The following TNRC18 variants were observed in gnomAD, a reference collection of about 807,000 sequenced individuals.
TNRC18 encodes trinucleotide repeat containing 18.
Under a neutral mutation model 226.7 loss-of-function variants are expected in TNRC18, and 69 were observed. That is an observed-to-expected ratio of 0.30 (90% CI 0.25 to 0.37). The LOEUF (loss-of-function observed/expected upper bound fraction) is 0.37. TNRC18 is among the 10% of genes least tolerant of loss of function. The pLI, the probability that TNRC18 is intolerant of heterozygous loss-of-function variation, is 1.00. For synonymous variants in TNRC18, 2,449 were observed against 1,927.6 expected (o/e 1.27, Z -7.09); for missense variants, 4,754 against 4,256.6 (o/e 1.12, Z -3.25).
At position 5,325,133 on chromosome 7, in the gene TNRC18, C is replaced by T; in HGVS notation, c.6263G>A (p.Ser2088Asn). The T allele has an allele frequency of 6.4e-7, 1 of 1,550,878 alleles. No individual in the cohort carries two copies. Among genetic ancestry groups the T allele is most frequent in the South Asian group, 1.2e-5 (1 of 84,006 alleles). The change falls in exon 20 of 30, where the codon AGC (serine) becomes AAC (asparagine). Residue 2088 changes from serine (S) to asparagine (N), a missense_variant. Coordinates refer to ENST00000430969, the MANE Select transcript of TNRC18 (RefSeq NM_001080495.3). ...CTCCTTCCCTTTGGCCTTGGCTTTGCTCCTTTTGGCAGCGGTCAGGGAGCT... is the reference window on the plus strand; with the variant it reads ...CTCCTTCCCTTTGGCCTTGGCTTTGTTCCTTTTGGCAGCGGTCAGGGAGCT... The part of the protein sequence containing the change: ...HASSLTAAKR[S>N]KAKAKGKEVK...
At chr7:5,328,059 T>G (rs1391592680) in intron 19 of TNRC18, among the ~76,000 whole-genome samples, 1 of 151,500 alleles carries the variant, frequency 6.6e-6, no homozygotes, top group Non-Finnish European at 1.5e-5. Context: ...CCGTCTCTAC[T>G]AAAAATACAA....
intron 16 of TNRC18, among the ~76,000 whole-genome samples, chr7:5,356,064 A>C (rs1235358237): frequency 6.6e-6 from 1 of 151,938 alleles, no homozygotes; most frequent in East Asian, 1.9e-4. Flanking sequence ...CTCGGGAGGC[A>C]GAGCCAAGGG....
chr7:5,372,470 G>GC (rs1562568141), intron 10 of TNRC18, among the ~76,000 whole-genome samples: 3 of 151,030 alleles, frequency 2.0e-5, no homozygotes. Flanking sequence ...TGATCCACCC[G>GC]CCTCAGCCTC....
Position 5,387,915 on chromosome 7 carries a change from G to C in TNRC18, c.1909C>G (p.Leu637Val), listed in dbSNP as rs755298893. 1.3e-6 allele frequency: 2 copies of C among 1,593,412 alleles called. No homozygotes were observed. Among genetic ancestry groups the C allele is most frequent in the African/African-American group, 1.3e-5 (1 of 74,606 alleles). ...SAGASRAQAR[L>V]PHSGGPAAGG... ...GCTGCAGGGCCTCCGGAGTGTGGGAGACGGGCCTGGGCTCGGGAGGCACCC... is the reference window on the plus strand; with the variant it reads ...GCTGCAGGGCCTCCGGAGTGTGGGACACGGGCCTGGGCTCGGGAGGCACCC... The change falls in exon 5 of 30, where the codon CTC (leucine) becomes GTC (valine). Residue 637 changes from leucine (L) to valine (V), a missense_variant. Leu to Val is a conservative substitution (Grantham distance 32, BLOSUM62 1). Coordinates refer to ENST00000430969, the MANE Select transcript of TNRC18 (RefSeq NM_001080495.3).
At chr7:5,360,873 G>A (rs1050787196) in intron 14 of TNRC18, among the ~76,000 whole-genome samples, 1 of 152,082 alleles carries the variant, frequency 6.6e-6, no homozygotes, top group Non-Finnish European at 1.5e-5. Flanking sequence ...TGTGCCCTCC[G>A]AAGGTCCCCC....
Position 5,324,970 on chromosome 7 carries a change from C to T in TNRC18, c.6300+126G>A, listed in dbSNP as rs1407872791. 16 of 1,196,320 alleles carry T rather than the reference C, an allele frequency of 1.3e-5. No individual in the cohort carries two copies. The highest frequency in any genetic ancestry group is 1.6e-5 in the Non-Finnish European group (14 of 877,716). The allele number at this position is 1,196,320 out of a possible 1,614,324, so 74.1% of individuals were successfully genotyped here. A position where few individuals can be genotyped will look rare whatever the true frequency, so the allele number is the denominator to read the frequency against. The stretch of plus-strand genomic sequence containing the variant: ...GGACGGCCACATCACCCTCGTCACC[C>T]GCAACCTCTCTGAGCCACAGCTATA... On this transcript the variant is annotated intron_variant, in intron 20 of 29. Coordinates refer to ENST00000430969, the MANE Select transcript of TNRC18 (RefSeq NM_001080495.3). The surrounding 1 kb of genome is among the most constrained non-coding windows in gnomAD (Gnocchi z 4.8).
Position 5,314,987 on chromosome 7 carries a change from C to A in TNRC18, c.7024G>T (p.Gly2342Cys). Reference protein sequence around the residue: ...RGRKPSAKAKGDRAATLEEGN... With the variant: ...RGRKPSAKAKCDRAATLEEGN... ...CCTGGGGACCAGGCCAACCTACCAC[C>A]CTTGGCCTTGGCGCTGGGTTTCCGC... The change falls in exon 26 of 30, where the codon GGT becomes TGT. Residue 2342 changes from glycine (G) to cysteine (C), a missense_variant. Physicochemically the swap from Gly to Cys is radical, Grantham distance 159. Transcript: ENST00000430969. 1 of 1,605,826 alleles carries A rather than the reference C, an allele frequency of 6.2e-7. No homozygotes were observed. Among genetic ancestry groups the A allele is most frequent in the Non-Finnish European group, 8.5e-7 (1 of 1,177,388 alleles).
At chr7:5,365,767 T>C (rs1793552284) in intron 11 of TNRC18, among the ~76,000 whole-genome samples, 1 of 152,038 alleles carries the variant, frequency 6.6e-6, no homozygotes, top group African/African-American at 2.4e-5. Flanking sequence ...ATTTTCTTTG[T>C]GATCTAAAAT....
In TNRC18 at chr7:5,421,079, C is replaced by T. The variant is rs1173498164; in HGVS notation, c.168G>A (p.Leu56=). ...ACTTACCCGGGTGCGGATGGAGATT[C>T]AGGCCGGCCATGTACTTCCCGGGCG... ...PLPPGKYMAG[L]NLHPHPGEAF... The change falls in exon 2 of 30, where the codon CTG becomes CTA. Residue 56 remains leucine, a synonymous_variant. Coordinates refer to ENST00000430969, the MANE Select transcript of TNRC18 (RefSeq NM_001080495.3). The T allele has an allele frequency of 2.0e-6, 3 of 1,506,812 alleles. No homozygotes were observed. In the Admixed American group the frequency reaches 6.2e-5, roughly 31 times the overall value. 93.3% of individuals were successfully genotyped at this position (1,506,812 alleles called of 1,614,324 possible). A position where few individuals can be genotyped will look rare whatever the true frequency, so the allele number is the denominator to read the frequency against.
rs1788664512 is a variant in TNRC18 at position 5,324,208 on chromosome 7, A to C, written c.6442+6T>G. On this transcript the variant is annotated splice_donor_region_variant and intron_variant, in intron 21 of 29. Transcript: ENST00000430969. This position sits in a 1 kb window ranked among gnomAD's most constrained non-coding sequence, Gnocchi z 4.8. The stretch of plus-strand genomic sequence containing the variant: ...GCCCGGCACATGTGGCATCACGGCC[A>C]CTCACCCGGGGTCAGCGGCCGCTCC... 2 of 1,597,186 alleles carry C rather than the reference A, an allele frequency of 1.3e-6. No homozygotes were observed. Among genetic ancestry groups the C allele is most frequent in the African/African-American group, 2.7e-5 (2 of 74,450 alleles).
chr7:5,316,078 G>T lies in TNRC18; in HGVS notation c.6746-6C>A. ...GTCCTCCAGGTCCAGTAACCCTGTGGGAAGAGGGGAGGCTCAGGGGAGGCC... is the reference window on the plus strand; with the variant it reads ...GTCCTCCAGGTCCAGTAACCCTGTGTGAAGAGGGGAGGCTCAGGGGAGGCC... On this transcript the variant is annotated splice_polypyrimidine_tract_variant and splice_region_variant and intron_variant, in intron 24 of 29. Coordinates refer to ENST00000430969, the MANE Select transcript of TNRC18 (RefSeq NM_001080495.3). The T allele has an allele frequency of 6.2e-7, 1 of 1,609,894 alleles. No homozygotes were observed. Among genetic ancestry groups the T allele is most frequent in the Non-Finnish European group, 8.5e-7 (1 of 1,177,944 alleles).
chr7:5,347,426 G>A (rs1304507113), intron 17 of TNRC18, among the ~76,000 whole-genome samples: 3 of 148,704 alleles, frequency 2.0e-5, no homozygotes, highest in African/African-American at 5.0e-5. Context: ...TCCATCTCCT[G>A]ACCTCATGAT....
At chr7:5,411,776 A>G (rs962273292) in intron 2 of TNRC18, among the ~76,000 whole-genome samples, 3 of 152,098 alleles carry the variant, frequency 2.0e-5, no homozygotes, top group African/African-American at 7.2e-5. Flanking sequence ...AGCACACCCA[A>G]GAACCGGGCC....
chr7:5,310,483 C>T (rs1233087360), intron 27 of TNRC18, among the ~76,000 whole-genome samples: 7 of 152,188 alleles, frequency 4.6e-5, no homozygotes, highest in Admixed American at 3.3e-4. Context: ...GATCCTCCTG[C>T]CTGGGCCTCC....
At chr7:5,413,310 A>G (rs1342233576) in intron 2 of TNRC18, among the ~76,000 whole-genome samples, 1 of 151,984 alleles carries the variant, frequency 6.6e-6, no homozygotes, top group Non-Finnish European at 1.5e-5. Context: ...CCTGTCCTCA[A>G]ATCTGCCCCT....
chr7:5,317,673 T>A (rs1403402870), intron 24 of TNRC18, among the ~76,000 whole-genome samples: 30 of 150,912 alleles, frequency 2.0e-4, no homozygotes, highest in South Asian at 6.3e-4. Context: ...CAAAAAAAAA[T>A]TTAAGGAATA....
intron 11 of TNRC18, among the ~76,000 whole-genome samples, chr7:5,364,988 TG>T (rs1793471033): frequency 6.6e-6 from 1 of 151,272 alleles, no homozygotes; most frequent in Non-Finnish European, 1.5e-5. Context: ...CAATTTTAAA[TG>T]GCCAAACGTG....
At chr7:5,328,485 C>T (rs977684130) in intron 19 of TNRC18, among the ~76,000 whole-genome samples, 3 of 150,414 alleles carry the variant, frequency 2.0e-5, no homozygotes, top group African/African-American at 7.3e-5. Flanking sequence ...CTGGGCAACA[C>T]AGTGAGACCA....
intron 5 of TNRC18, among the ~76,000 whole-genome samples, chr7:5,384,494 A>ACCCT (rs962332879): frequency 4.6e-5 from 7 of 150,748 alleles, no homozygotes; most frequent in Admixed American, 6.6e-5. Context: ...CCTCTGGCAC[A>ACCCT]CCCTCCCTCC....
Sources: gnomAD v4.1 joint callset for allele counts (sites outside exome capture counted in the v4.1 genomes callset) on GRCh38, gnomAD v4.1.1 for gene constraint, Gnocchi (gnomAD v3.1) non-coding constraint, MANE v1.5 for transcripts, NCBI Gene and HGNC (gene_info 2026-07-23, HGNC 2026-07-21) for gene names.